CSNK2A2IP: variants seen among roughly 807,000 people sequenced by gnomAD.
CSNK2A2IP encodes the protein casein kinase 2 subunit alpha' interacting protein.
At chr3:88,356,244 C>T in the CSNK2A2IP span, among the ~76,000 whole-genome samples, 2 of 152,012 alleles carry the variant, frequency 1.3e-5, no homozygotes, top group South Asian at 4.1e-4. Flanking sequence ...TTAACCCCTG[C>T]CTGTCCACCA....
chr3:88,432,161 T>A, the CSNK2A2IP span, among the ~76,000 whole-genome samples: 1 of 151,906 alleles, frequency 6.6e-6, no homozygotes, highest in Non-Finnish European at 1.5e-5. Flanking sequence ...ACTATGCTCA[T>A]TTACTGAATG....
At chr3:88,466,434 A>G in the CSNK2A2IP span, 1 of 1,231,960 alleles carries the variant, frequency 8.1e-7, no homozygotes, top group Non-Finnish European at 1.0e-6. Context: ...TCACACATCT[A>G]CCATCACCCC....
At chr3:88,368,260 G>A in the CSNK2A2IP span, among the ~76,000 whole-genome samples, 4 of 152,068 alleles carry the variant, frequency 2.6e-5, no homozygotes, top group South Asian at 2.1e-4. Context: ...ACAAGACAGA[G>A]CATTTGCCTT....
chr3:88,436,818 A>G, the CSNK2A2IP span, among the ~76,000 whole-genome samples: 1 of 152,136 alleles, frequency 6.6e-6, no homozygotes, highest in Non-Finnish European at 1.5e-5. Flanking sequence ...ACTCGAATTG[A>G]TGATATTCAT....
At chr3:88,466,817 G>A in the CSNK2A2IP span, 555 of 904,674 alleles carry the variant, frequency 6.1e-4, no homozygotes, top group Non-Finnish European at 7.8e-4. Flanking sequence ...AAATCTCCAT[G>A]TAACCATCTT....
At chr3:88,447,889 A>C in the CSNK2A2IP span, among the ~76,000 whole-genome samples, 1 of 152,194 alleles carries the variant, frequency 6.6e-6, no homozygotes, top group African/African-American at 2.4e-5. Flanking sequence ...ATTACCACAC[A>C]ACTCTATTAG....
the CSNK2A2IP span, among the ~76,000 whole-genome samples, chr3:88,381,047 C>T: frequency 6.6e-6 from 1 of 152,086 alleles, no homozygotes; most frequent in Non-Finnish European, 1.5e-5. Flanking sequence ...CTTAAAACGC[C>T]AGGCTCTTGC....
At chr3:88,368,920 C>T in the CSNK2A2IP span, among the ~76,000 whole-genome samples, 1 of 152,094 alleles carries the variant, frequency 6.6e-6, no homozygotes, top group East Asian at 1.9e-4. Flanking sequence ...TAAACCTCTC[C>T]TCACATGTTC....
the CSNK2A2IP span, among the ~76,000 whole-genome samples, chr3:88,366,835 A>G: frequency 2.0e-5 from 3 of 152,098 alleles, no homozygotes; most frequent in Non-Finnish European, 4.4e-5. Flanking sequence ...GGTTTAATGA[A>G]CTCACAGTTC....
At chr3:88,344,947 C>A in the CSNK2A2IP span, among the ~76,000 whole-genome samples, 9 of 151,892 alleles carry the variant, frequency 5.9e-5, no homozygotes, top group Non-Finnish European at 1.3e-4. Flanking sequence ...GTTTTAATTT[C>A]TTTTATGTTT....
At chr3:88,416,170 C>T in the CSNK2A2IP span, among the ~76,000 whole-genome samples, 1 of 150,812 alleles carries the variant, frequency 6.6e-6, no homozygotes, top group Non-Finnish European at 1.5e-5. Flanking sequence ...ACTCAGGAGG[C>T]TGAGGCAGGA....
At chr3:88,401,499 C>T in the CSNK2A2IP span, among the ~76,000 whole-genome samples, 4 of 152,048 alleles carry the variant, frequency 2.6e-5, no homozygotes, top group African/African-American at 9.7e-5. Context: ...TAGGGACTAA[C>T]CTTAGAAGCT....
At chr3:88,380,294 T>C in the CSNK2A2IP span, among the ~76,000 whole-genome samples, 1 of 151,984 alleles carries the variant, frequency 6.6e-6, no homozygotes. Flanking sequence ...ATGACTAAAG[T>C]ACCAATGTTG....
At chr3:88,465,363 G>A in the CSNK2A2IP span, 1 of 1,231,532 alleles carries the variant, frequency 8.1e-7, no homozygotes, top group African/African-American at 1.6e-5. Context: ...ACAAGATGGT[G>A]CCACTAGCAT....
chr3:88,365,337 T>A, the CSNK2A2IP span, among the ~76,000 whole-genome samples: 1 of 152,160 alleles, frequency 6.6e-6, no homozygotes, highest in East Asian at 1.9e-4. Flanking sequence ...TTTTTGATCA[T>A]TCATATTTAT....
chr3:88,405,477 G>T, the CSNK2A2IP span, among the ~76,000 whole-genome samples: 1 of 152,196 alleles, frequency 6.6e-6, no homozygotes, highest in Non-Finnish European at 1.5e-5. Context: ...TTAACTCTGC[G>T]TCTTGATCAA....
chr3:88,368,382 C>A, the CSNK2A2IP span, among the ~76,000 whole-genome samples: 1 of 151,890 alleles, frequency 6.6e-6, no homozygotes, highest in Non-Finnish European at 1.5e-5. Flanking sequence ...AGAGAGTGAT[C>A]GAGAGACTAT....
the CSNK2A2IP span, among the ~76,000 whole-genome samples, chr3:88,375,925 T>C: frequency 1.3e-5 from 2 of 151,720 alleles, no homozygotes; most frequent in African/African-American, 4.8e-5. Context: ...TCCCCATTAG[T>C]TGTTACTTCC....
At chr3:88,395,446 G>T in the CSNK2A2IP span, among the ~76,000 whole-genome samples, 4 of 152,068 alleles carry the variant, frequency 2.6e-5, no homozygotes, top group Non-Finnish European at 5.9e-5. Context: ...TTTGTTTAAT[G>T]ACCTTACTAC....
Sources: gnomAD v4.1 joint callset for allele counts (sites outside exome capture counted in the v4.1 genomes callset) on GRCh38, gnomAD v4.1.1 for gene constraint, MANE v1.5 for transcripts, NCBI Gene and HGNC (gene_info 2026-07-23, HGNC 2026-07-21) for gene names.